The following SH3GL3 variants were observed in gnomAD, a reference collection of about 807,000 sequenced individuals.
SH3GL3 encodes SH3 domain containing GRB2 like 3, endophilin A3, also known as endophilin-A3.
A neutral mutation model predicts 47.7 loss-of-function variants in SH3GL3; 33 were observed. That is an observed-to-expected ratio of 0.69 (90% CI 0.52 to 0.92). The LOEUF (loss-of-function observed/expected upper bound fraction) is 0.92, where lower values mean the gene tolerates loss of function less well. Ranked by LOEUF, SH3GL3 falls within the 40% of genes least tolerant of loss-of-function variation. The probability of loss-of-function intolerance (pLI) is 0.00; values close to 1 mark genes in which losing one functional copy is unlikely to be tolerated. For synonymous variants in SH3GL3, 155 were observed against 148.8 expected, an observed-to-expected ratio of 1.04 and a Z score of -0.30; for missense variants, 363 against 417.8, an observed-to-expected ratio of 0.87 and a Z score of 1.14.
the SH3GL3 span, among the ~76,000 whole-genome samples, chr15:83,632,263 A>G: frequency 6.6e-6 from 1 of 152,150 alleles, no homozygotes; most frequent in Non-Finnish European, 1.5e-5. Context: ...GAGCCCTCCA[A>G]ACTGTTCCAA....
intron 1 of SH3GL3, among the ~76,000 whole-genome samples, chr15:83,523,194 A>G (rs527769174): frequency 6.6e-6 from 1 of 152,236 alleles, no homozygotes; most frequent in Non-Finnish European, 1.5e-5. Context: ...TCAGCATCTC[A>G]AAATAGACCA....
intron 6 of SH3GL3, among the ~76,000 whole-genome samples, chr15:83,578,181 C>T (rs1262125956): frequency 6.6e-6 from 1 of 152,192 alleles, no homozygotes; most frequent in Non-Finnish European, 1.5e-5. Context: ...CCTGACCAGG[C>T]AACACGCAGC....
intron 8 of SH3GL3, among the ~76,000 whole-genome samples, chr15:83,617,675 C>G (rs2060861119): frequency 6.6e-6 from 1 of 152,084 alleles, no homozygotes; most frequent in Non-Finnish European, 1.5e-5. Context: ...GACTCTGTCT[C>G]AAAAATAGAT....
At chr15:83,582,085 C>T (rs1350665323) in intron 6 of SH3GL3, among the ~76,000 whole-genome samples, 3 of 152,238 alleles carry the variant, frequency 2.0e-5, no homozygotes, top group Non-Finnish European at 4.4e-5. Context: ...GGTTACCAGC[C>T]TTCATTGCCG....
intron 1 of SH3GL3, among the ~76,000 whole-genome samples, chr15:83,500,901 C>T (rs2042267346): frequency 6.6e-6 from 1 of 152,190 alleles, no homozygotes; most frequent in Admixed American, 6.5e-5. Flanking sequence ...AATAAATTGT[C>T]ACTTTAATCC....
chr15:83,458,299 C>G (rs1285790899), intron 1 of SH3GL3, among the ~76,000 whole-genome samples: 1 of 152,202 alleles, frequency 6.6e-6, no homozygotes, highest in Non-Finnish European at 1.5e-5. Flanking sequence ...CTTTGAAATG[C>G]TTTCCCAATG....
chr15:83,623,765 T>C, the SH3GL3 span, among the ~76,000 whole-genome samples: 1 of 152,354 alleles, frequency 6.6e-6, no homozygotes, highest in South Asian at 2.1e-4. Context: ...TCTTTTCTTC[T>C]GAGGTTCCTG....
intron 6 of SH3GL3, among the ~76,000 whole-genome samples, chr15:83,578,420 G>T (rs117365256): frequency 1.4e-4 from 22 of 152,150 alleles, no homozygotes; most frequent in Admixed American, 4.6e-4. Flanking sequence ...AGACCATGTC[G>T]TCCTTATAAC....
chr15:83,495,008 G>A (rs747408911), intron 1 of SH3GL3, among the ~76,000 whole-genome samples: 9 of 152,104 alleles, frequency 5.9e-5, no homozygotes, highest in Non-Finnish European at 1.3e-4. Context: ...CCTTGGTGCT[G>A]GGCACAGGAA....
intron 1 of SH3GL3, among the ~76,000 whole-genome samples, chr15:83,548,209 C>T (rs963299706): frequency 6.6e-6 from 1 of 151,674 alleles, no homozygotes; most frequent in Admixed American, 6.6e-5. Context: ...ACATTTAAAA[C>T]CTCACAAGAC....
At position 83,582,699 on chromosome 15, in the gene SH3GL3, T is replaced by C. The variant is rs139901521; in HGVS notation, c.625-4284T>C. On this transcript the variant is annotated intron_variant, in intron 6 of 8. Coordinates refer to ENST00000427482, the MANE Select transcript of SH3GL3 (RefSeq NM_003027.5). ...GTGGAATAAGATGCATTAGGAAGTA[T>C]TGAACTTGTAGAAAGCATACCCAGC... Among the ~76,000 whole-genome samples the C allele has an allele frequency of 4.5e-3, 685 of 152,316 alleles. 4 individuals carry two copies. The highest frequency in any genetic ancestry group is 0.016 in the African/African-American group (661 of 41,562).
chr15:83,568,476 C>T lies in SH3GL3; in HGVS notation c.188-53C>T, dbSNP rs116857571. 1.9e-4 allele frequency: 286 copies of T among 1,493,694 alleles called. 1 individual carries two copies. The East Asian group carries it at 5.3e-3, about 28-fold the overall frequency. 92.5% of individuals were successfully genotyped at this position (1,493,694 alleles called of 1,614,324 possible). ...AGCTGCGTTTATTAAATTCTATGTA[C>T]CTGTCACTCCACCTTGTAACTTTAA... On this transcript the variant is annotated intron_variant, in intron 3 of 8. Transcript: ENST00000427482.
At chr15:83,580,491 C>T (rs2151791174) in intron 6 of SH3GL3, among the ~76,000 whole-genome samples, 1 of 152,342 alleles carries the variant, frequency 6.6e-6, no homozygotes, top group East Asian at 1.9e-4. Context: ...GCTTCTGTTA[C>T]TGTGGTGGGA....
At chr15:83,566,078 C>T (rs193156011) in intron 3 of SH3GL3, among the ~76,000 whole-genome samples, 3 of 152,266 alleles carry the variant, frequency 2.0e-5, no homozygotes, top group Non-Finnish European at 1.5e-5. Flanking sequence ...TATCAGTCAA[C>T]AAATATTTAA....
intron 6 of SH3GL3, among the ~76,000 whole-genome samples, chr15:83,586,644 A>G (rs939090510): frequency 6.6e-6 from 1 of 152,208 alleles, no homozygotes; most frequent in Non-Finnish European, 1.5e-5. Context: ...TTCGTTTGTA[A>G]CTGGAAGAGC....
intron 1 of SH3GL3, among the ~76,000 whole-genome samples, chr15:83,543,710 T>C (rs1232067508): frequency 6.6e-6 from 1 of 152,120 alleles, no homozygotes; most frequent in Non-Finnish European, 1.5e-5. Flanking sequence ...CATTAGCCTA[T>C]TCAGACTTTG....
chr15:83,512,703 G>A (rs2042816283), intron 1 of SH3GL3, among the ~76,000 whole-genome samples: 1 of 151,562 alleles, frequency 6.6e-6, no homozygotes, highest in Non-Finnish European at 1.5e-5. Context: ...TGCCTCCCTG[G>A]CCTCCCTACT....
intron 1 of SH3GL3, among the ~76,000 whole-genome samples, chr15:83,504,910 T>C (rs2042431738): frequency 6.6e-6 from 1 of 152,228 alleles, no homozygotes; most frequent in Non-Finnish European, 1.5e-5. Flanking sequence ...AATTTCCTTC[T>C]TTATCATTAC....
chr15:83,607,878 A>ATAATAATAC (rs1449156427), intron 8 of SH3GL3, among the ~76,000 whole-genome samples: 1 of 145,534 alleles, frequency 6.9e-6, no homozygotes, highest in South Asian at 2.2e-4. Flanking sequence ...AATAATAATA[A>ATAATAATAC]TACAAACAAC....
Sources: gnomAD v4.1 joint callset for allele counts (sites outside exome capture counted in the v4.1 genomes callset) on GRCh38, gnomAD v4.1.1 for gene constraint, MANE v1.5 for transcripts, NCBI Gene and HGNC (gene_info 2026-07-23, HGNC 2026-07-21) for gene names.